The following KCNQ5 variants were observed in gnomAD, a reference collection of about 807,000 sequenced individuals.
The protein encoded by KCNQ5 is potassium voltage-gated channel subfamily KQT member 5.
A neutral mutation model predicts 98.2 loss-of-function variants in KCNQ5; 30 were observed. The observed-to-expected ratio is 0.31, with a 90% CI of 0.23 to 0.41. KCNQ5 has a LOEUF of 0.41. Ranked by LOEUF, KCNQ5 falls within the 10% of genes least tolerant of loss-of-function variation. KCNQ5 has a pLI of 1.00. For synonymous variants in KCNQ5, 458 were observed against 449.4 expected (o/e 1.02, Z -0.24); for missense variants, 835 against 1,182.5 (o/e 0.71, Z 4.31).
At chr6:73,083,692 A>G (rs1773869224) in intron 5 of KCNQ5, among the ~76,000 whole-genome samples, 1 of 152,230 alleles carries the variant, frequency 6.6e-6, no homozygotes, top group South Asian at 2.1e-4. Flanking sequence ...TGACTAAGCA[A>G]CCAAGTAGCC....
At chr6:72,997,503 C>T (rs1194902667) in intron 1 of KCNQ5, among the ~76,000 whole-genome samples, 1 of 151,852 alleles carries the variant, frequency 6.6e-6, no homozygotes, top group African/African-American at 2.4e-5. Flanking sequence ...AGGCCGGGCA[C>T]AGTAGCTCAT....
chr6:72,693,323 A>T (rs1290666293), intron 1 of KCNQ5, among the ~76,000 whole-genome samples: 1 of 152,120 alleles, frequency 6.6e-6, no homozygotes, highest in Non-Finnish European at 1.5e-5. Context: ...ATGTGGAGAG[A>T]TTTTAAGAGA....
chr6:73,156,139 A>G (rs1334034892), intron 10 of KCNQ5, among the ~76,000 whole-genome samples: 8 of 152,212 alleles, frequency 5.3e-5, no homozygotes, highest in Admixed American at 5.2e-4. Flanking sequence ...TTGAGAAATG[A>G]TAGCAGAGGG....
At chr6:73,156,555 GC>G (rs1226492637) in intron 10 of KCNQ5, among the ~76,000 whole-genome samples, 2 of 150,942 alleles carry the variant, frequency 1.3e-5, no homozygotes, top group African/African-American at 4.9e-5. Flanking sequence ...AACCCGGGAG[GC>G]AGAGGTTGGC....
Position 73,198,025 on chromosome 6 carries a change from A to G in KCNQ5, c.*2611A>G, listed in dbSNP as rs941743266. The stretch of plus-strand genomic sequence containing the variant: ...CAAAAATTGGGGGATGTTAAAAGAT[A>G]GTTGTGTGGAAGCTATAAGGTTCTG... On this transcript the variant is annotated 3_prime_UTR_variant, in exon 14 of 14. Transcript: ENST00000370398. The G allele has an allele frequency of 5.9e-5, 9 of 152,320 alleles. No homozygotes were observed. Among genetic ancestry groups the G allele is most frequent in the African/African-American group, 2.2e-4 (9 of 41,566 alleles). The allele number at this position is 152,320 out of a possible 1,614,324, so 9.4% of individuals were successfully genotyped here. A position where few individuals can be genotyped will look rare whatever the true frequency, so the allele number is the denominator to read the frequency against.
In KCNQ5 at chr6:73,196,646, C is replaced by T. The variant is rs1243158968; in HGVS notation, c.*1232C>T. The T allele has an allele frequency of 6.6e-6, 1 of 152,058 alleles. No individual in the cohort carries two copies. Among genetic ancestry groups the T allele is most frequent in the South Asian group, 2.1e-4 (1 of 4,830 alleles). 9.4% of individuals were successfully genotyped at this position (152,058 alleles called of 1,614,324 possible). A position where few individuals can be genotyped will look rare whatever the true frequency, so the allele number is the denominator to read the frequency against. ...ATATGAAAGTCTAAAACGAAACTTCCTTTACTTTTTATACTGTAGTGAAAA... is the reference window on the plus strand; with the variant it reads ...ATATGAAAGTCTAAAACGAAACTTCTTTTACTTTTTATACTGTAGTGAAAA... On this transcript the variant is annotated 3_prime_UTR_variant, in exon 14 of 14. Coordinates refer to ENST00000370398, the MANE Select transcript of KCNQ5 (RefSeq NM_019842.4).
rs192897327 is a variant in KCNQ5, at chr6:72,853,420, T to A, written c.399-150488T>A. ...TTGCGGTGGTGCCATCGCAGCTCACTGAAACTGTCGCCTCCCAGCTTCAAG... is the reference window on the plus strand; with the variant it reads ...TTGCGGTGGTGCCATCGCAGCTCACAGAAACTGTCGCCTCCCAGCTTCAAG... On this transcript the variant is annotated intron_variant, in intron 1 of 13. Transcript: ENST00000370398. 6.6e-5 allele frequency among the ~76,000 whole-genome samples: 10 copies of A among 152,176 alleles called. No individual in the cohort carries two copies. In the East Asian group the frequency reaches 1.9e-3, roughly 29 times the overall value.
intron 1 of KCNQ5, among the ~76,000 whole-genome samples, chr6:72,960,354 TTAAG>T (rs1214261244): frequency 1.3e-5 from 2 of 151,098 alleles, no homozygotes; most frequent in Admixed American, 6.6e-5. Context: ...TAATAAATAT[TTAAG>T]TGTTTCCCTC....
intron 1 of KCNQ5, among the ~76,000 whole-genome samples, chr6:72,771,791 T>C (rs1049835240): frequency 2.6e-5 from 4 of 151,942 alleles, no homozygotes; most frequent in African/African-American, 9.7e-5. Flanking sequence ...AAACAAGACT[T>C]CTGTGATTTT....
intron 1 of KCNQ5, among the ~76,000 whole-genome samples, chr6:72,651,200 A>G (rs1485978046): frequency 1.3e-5 from 2 of 152,072 alleles, no homozygotes; most frequent in Non-Finnish European, 2.9e-5. Context: ...TGAAGTCCCT[A>G]AGTGTAGGAG....
At chr6:72,849,721 G>C (rs1225351889) in intron 1 of KCNQ5, among the ~76,000 whole-genome samples, 1 of 152,118 alleles carries the variant, frequency 6.6e-6, no homozygotes, top group Non-Finnish European at 1.5e-5. Flanking sequence ...TATGTTTATG[G>C]AGAGAGAGGT....
chr6:73,001,123 C>G (rs931646590), intron 1 of KCNQ5, among the ~76,000 whole-genome samples: 2 of 152,142 alleles, frequency 1.3e-5, no homozygotes, highest in Non-Finnish European at 2.9e-5. Flanking sequence ...CTTCAAAGAC[C>G]ATCTCAAACA....
intron 1 of KCNQ5, among the ~76,000 whole-genome samples, chr6:72,692,379 C>T (rs753161280): frequency 8.5e-5 from 13 of 152,214 alleles, no homozygotes; most frequent in Non-Finnish European, 1.9e-4. Flanking sequence ...CGAGAAACAT[C>T]TGCCTGCAGC....
intron 1 of KCNQ5, among the ~76,000 whole-genome samples, chr6:72,724,632 T>G (rs1770165023): frequency 6.6e-6 from 1 of 151,634 alleles, no homozygotes; most frequent in South Asian, 2.1e-4. Flanking sequence ...AGGATTCGTT[T>G]GAAAAAACTA....
intron 5 of KCNQ5, among the ~76,000 whole-genome samples, chr6:73,084,424 G>A (rs1186371435): frequency 6.6e-6 from 1 of 151,978 alleles, no homozygotes; most frequent in Non-Finnish European, 1.5e-5. Flanking sequence ...AACTTCATTT[G>A]GCCCATATTA....
At chr6:72,698,442 A>G (rs1265491018) in intron 1 of KCNQ5, among the ~76,000 whole-genome samples, 2 of 151,966 alleles carry the variant, frequency 1.3e-5, no homozygotes, top group South Asian at 2.1e-4. Context: ...ACCTCAGATG[A>G]TCCACCTGCT....
rs1773598881 is a variant in KCNQ5, at chr6:73,077,903, C to T, written c.918+16C>T. 2 of 1,562,750 alleles carry T rather than the reference C, an allele frequency of 1.3e-6. No homozygotes were observed. The highest frequency in any genetic ancestry group is 1.7e-6 in the Non-Finnish European group (2 of 1,156,938). ...GTGGGGCACAGTAAGTATAAAAATA[C>T]ATTTTTTATTTATTGGATGTTGTGA... On this transcript the variant is annotated intron_variant, in intron 5 of 13. Transcript: ENST00000370398.
chr6:73,142,997 C>T (rs977639618), intron 10 of KCNQ5, among the ~76,000 whole-genome samples: 2 of 152,192 alleles, frequency 1.3e-5, no homozygotes, highest in African/African-American at 2.4e-5. Context: ...ACTTCTAACG[C>T]AGCTCTCTTT....
At chr6:73,019,498 A>G (rs753771709) in intron 2 of KCNQ5, among the ~76,000 whole-genome samples, 8 of 152,274 alleles carry the variant, frequency 5.3e-5, no homozygotes, top group Non-Finnish European at 1.0e-4. Context: ...CAACAACACA[A>G]ACTAAGTTTG....
Sources: allele counts gnomAD v4.1 joint callset (sites outside exome capture counted in the v4.1 genomes callset), GRCh38; gene constraint gnomAD v4.1.1; transcripts MANE v1.5; gene names NCBI Gene and HGNC (gene_info 2026-07-23, HGNC 2026-07-21).